Variants in CNTLN observed in about 807,000 individuals in gnomAD.
CNTLN encodes centlein, centrosomal protein.
CNTLN carries 212 observed loss-of-function variants against 180.0 expected under a neutral mutation model. The observed-to-expected ratio is 1.18, with a 90% confidence interval of 1.05 to 1.32. The LOEUF is 1.32. Among genes scored for constraint, CNTLN ranks in the 40% most tolerant of loss-of-function variants. CNTLN has a pLI of 0.00. For synonymous variants in CNTLN, 722 were observed against 563.1 expected (o/e 1.28, Z -3.99); for missense variants, 2,095 against 1,610.9 (o/e 1.30, Z -5.14).
intron 23 of CNTLN, among the ~76,000 whole-genome samples, chr9:17,472,472 A>G (rs149456123): frequency 1.8e-4 from 28 of 152,254 alleles, no homozygotes; most frequent in African/African-American, 6.5e-4. Context: ...AAGCCATCCA[A>G]TCCCCTATTG....
In CNTLN at chr9:17,340,875, C is replaced by A. The variant is rs200554713; in HGVS notation, c.1693C>A (p.Arg565=). Residue 565 remains arginine, a synonymous_variant, in exon 11 of 26, where the codon CGG becomes AGG. Coordinates refer to ENST00000380647, the MANE Select transcript of CNTLN (RefSeq NM_017738.4). ...AGATGCCCATGAAAAACGCAAGGAACGGCTACAGATGTTACAGACCAACTA... is the reference window on the plus strand; with the variant it reads ...AGATGCCCATGAAAAACGCAAGGAAAGGCTACAGATGTTACAGACCAACTA... ...LRDAHEKRKE[R]LQMLQTNYRA... 6.2e-7 allele frequency: 1 copy of A among 1,611,724 alleles called. No homozygotes were observed. The highest frequency in any genetic ancestry group is 8.5e-7 in the Non-Finnish European group (1 of 1,178,804).
intron 23 of CNTLN, 142 bp from the exon 24 acceptor site, chr9:17,484,153 T>A (rs1832781267): frequency 1.5e-6 from 1 of 652,972 alleles, no homozygotes; most frequent in East Asian, 2.8e-5. Context: ...TAAAGAGCAA[T>A]CCACTATATT....
At chr9:17,314,177 A>G (rs1819393922) in intron 8 of CNTLN, among the ~76,000 whole-genome samples, 1 of 152,178 alleles carries the variant, frequency 6.6e-6, no homozygotes, top group Non-Finnish European at 1.5e-5. Flanking sequence ...CTGCAAATAT[A>G]AGTCCTTGTT....
chr9:17,521,265 A>AAGAGAGAGAGGGAGAG, the CNTLN span, among the ~76,000 whole-genome samples: 1 of 118,508 alleles, frequency 8.4e-6, no homozygotes, highest in Non-Finnish European at 1.7e-5. Flanking sequence ...AAGGGAGAAA[A>AAGAGAGAGAGGGAGAG]AGAGAGAGAG....
intron 18 of CNTLN, among the ~76,000 whole-genome samples, chr9:17,434,112 C>T (rs1286159634): frequency 1.3e-5 from 2 of 152,086 alleles, no homozygotes; most frequent in South Asian, 4.1e-4. Context: ...TGTTTCATTT[C>T]TGATAAGAGG....
chr9:17,194,004 A>C (rs1804101831), intron 2 of CNTLN, among the ~76,000 whole-genome samples: 1 of 152,160 alleles, frequency 6.6e-6, no homozygotes, highest in Admixed American at 6.5e-5. Context: ...CATGGCTCAA[A>C]CTTTACGTTG....
chr9:17,285,251 C>G (rs201101465), intron 6 of CNTLN, among the ~76,000 whole-genome samples: 2 of 147,830 alleles, frequency 1.4e-5, no homozygotes, highest in African/African-American at 5.0e-5. Flanking sequence ...GAGTATATGC[C>G]GTGTTTGGTT....
intron 2 of CNTLN, among the ~76,000 whole-genome samples, chr9:17,166,288 A>C (rs1235423027): frequency 6.6e-6 from 1 of 152,214 alleles, no homozygotes; most frequent in Non-Finnish European, 1.5e-5. Context: ...TAGAGGGGCT[A>C]GAAGACGAGG....
Position 17,245,489 on chromosome 9 carries a change from T to C in CNTLN, c.849+8901T>C, listed in dbSNP as rs537353539. Among the ~76,000 whole-genome samples the C allele has an allele frequency of 9.9e-5, 15 of 152,006 alleles. No individual in the cohort carries two copies. The East Asian group carries it at 2.9e-3, about 30-fold the overall frequency. ...GTATCCTTTCTTTATCCTTGGACTT[T>C]GGGATTTTGATTATTAAATACCTTG... On this transcript the variant is annotated intron_variant, in intron 5 of 25. Transcript: ENST00000380647.
chr9:17,225,832 T>G (rs1824431376), intron 2 of CNTLN, among the ~76,000 whole-genome samples: 1 of 152,006 alleles, frequency 6.6e-6, no homozygotes, highest in Admixed American at 6.6e-5. Flanking sequence ...TGTCACTCTC[T>G]CTTTTGAGAC....
intron 14 of CNTLN, among the ~76,000 whole-genome samples, chr9:17,392,650 C>T (rs1314755061): frequency 6.6e-6 from 1 of 151,806 alleles, no homozygotes; most frequent in East Asian, 1.9e-4. Context: ...GGACATAGGT[C>T]CAATAGTAGG....
chr9:17,392,397 A>G (rs2133702503), intron 14 of CNTLN, among the ~76,000 whole-genome samples: 1 of 152,358 alleles, frequency 6.6e-6, no homozygotes, highest in South Asian at 2.1e-4. Context: ...TGATTTGGGC[A>G]GTGATTAACA....
intron 12 of CNTLN, among the ~76,000 whole-genome samples, chr9:17,362,713 T>G (rs1823496893): frequency 3.3e-5 from 5 of 152,142 alleles, no homozygotes; most frequent in Admixed American, 1.3e-4. Flanking sequence ...TTTAATTTTT[T>G]TCTTGCACGT....
chr9:17,301,475 CTG>C (rs1043523885), intron 7 of CNTLN: 2 of 985,138 alleles, frequency 2.0e-6, no homozygotes, highest in African/African-American at 1.7e-5. Context: ...TGTGTTTAGT[CTG>C]TTTTTTGTCA....
At chr9:17,439,209 C>G (rs538103512) in intron 18 of CNTLN, among the ~76,000 whole-genome samples, 6 of 152,142 alleles carry the variant, frequency 3.9e-5, no homozygotes, top group Non-Finnish European at 8.8e-5. Context: ...AATATCAGTA[C>G]TTTTAAGTAA....
chr9:17,425,628 G>A (rs1829029334), intron 18 of CNTLN, among the ~76,000 whole-genome samples: 1 of 152,112 alleles, frequency 6.6e-6, no homozygotes, highest in South Asian at 2.1e-4. Flanking sequence ...AGATTTTTGA[G>A]GTGCATGCTG....
intron 25 of CNTLN, among the ~76,000 whole-genome samples, chr9:17,497,489 C>T (rs894705099): frequency 2.6e-5 from 4 of 152,166 alleles, no homozygotes; most frequent in Admixed American, 2.0e-4. Context: ...ATCTCCCCAA[C>T]CCCAAGGACT....
At chr9:17,308,969 TA>T in intron 7 of CNTLN, 88 bp from the exon 8 acceptor site, 1 of 343,516 alleles carries the variant, frequency 2.9e-6, no homozygotes, top group East Asian at 6.2e-5. Flanking sequence ...ATACAGTTCA[TA>T]TGTATATATA....
At chr9:17,446,978 A>G (rs1323992874) in intron 18 of CNTLN, among the ~76,000 whole-genome samples, 1 of 152,200 alleles carries the variant, frequency 6.6e-6, no homozygotes, top group Non-Finnish European at 1.5e-5. Context: ...ATTGTACTTT[A>G]AAAGTTATGG....
Sources: gnomAD v4.1 joint callset for allele counts (sites outside exome capture counted in the v4.1 genomes callset) on GRCh38, gnomAD v4.1.1 for gene constraint, MANE v1.5 for transcripts, NCBI Gene and HGNC (gene_info 2026-07-23, HGNC 2026-07-21) for gene names.